The following GUK1 variants were observed in gnomAD, a reference collection of about 807,000 sequenced individuals.
The protein encoded by GUK1 is guanylate kinase 1.
In GUK1, 18 loss-of-function variants were observed where a neutral mutation model predicts 25.2. The observed-to-expected ratio is 0.71, with a 90% CI of 0.49 to 1.06. GUK1 has a LOEUF of 1.06. Among genes scored for constraint, GUK1 ranks in the 50% least tolerant of loss-of-function variants. The pLI is 0.00. For synonymous variants in GUK1, 105 were observed against 117.6 expected (o/e 0.89, Z 0.69); for missense variants, 261 against 276.7 (o/e 0.94, Z 0.40).
In GUK1 at chr1:228,142,815, G is replaced by A. The variant is rs1199004627; in HGVS notation, c.-3+1527G>A. Among the ~76,000 whole-genome samples the A allele has an allele frequency of 2.0e-5, 3 of 152,274 alleles. No individual in the cohort carries two copies. In the East Asian group the frequency reaches 5.8e-4, roughly 30 times the overall value. ...CGGGGATGGGGTTTGGGGCCGAGGA[G>A]GGGATGGAGACCAGGGTCTTGTGGT... On this transcript the variant is annotated intron_variant, in intron 2 of 8. Transcript: ENST00000312726.
rs201190567 is a variant in GUK1, at chr1:228,146,073, T to C, written c.154+6T>C. 8 of 1,603,368 alleles carry C rather than the reference T, an allele frequency of 5.0e-6. No homozygotes were observed. In the East Asian group the frequency reaches 1.8e-4, roughly 36 times the overall value. On this transcript the variant is annotated splice_donor_region_variant and intron_variant, in intron 4 of 8. Coordinates refer to ENST00000312726, the MANE Select transcript of GUK1 (RefSeq NM_000858.7). ...CGGCGAGGAGAACGGCAAAGGTGAG[T>C]GGGGTGGGGCCCTATGGCTGGAGCA...
intron 2 of GUK1, chr1:228,144,715 C>T (rs997384377): frequency 1.0e-6 from 1 of 985,090 alleles, no homozygotes; most frequent in African/African-American, 1.7e-5. Flanking sequence ...GACAGACCCA[C>T]CCCAGGCTGA....
In GUK1 at chr1:228,148,450, C is replaced by G. The variant is rs775802390; in HGVS notation, c.555C>G (p.Leu185=). Residue 185 remains leucine, a synonymous_variant, in exon 8 of 9, where the codon CTC becomes CTG. Transcript: ENST00000312726. ...CCTACGCAGAGCTGAAGGAGGCGCT[C>G]TCTGAGGTGGGCCCATCCTTGTGCC... 3.2e-6 allele frequency: 5 copies of G among 1,571,506 alleles called. No individual in the cohort carries two copies. In the East Asian group the frequency reaches 1.1e-4, roughly 35 times the overall value.
Position 228,148,808 on chromosome 1 carries a change from G to T in GUK1, c.*111G>T, listed in dbSNP as rs1244228770. ...GCTCTGTGCCCTTGGCCAGCATGTG[G>T]AGTGGAGGAGATGCTGCCCCTGTGG... On this transcript the variant is annotated 3_prime_UTR_variant, in exon 9 of 9. Transcript: ENST00000312726. 3 of 1,582,668 alleles carry T rather than the reference G, an allele frequency of 1.9e-6. No individual in the cohort carries two copies. Among genetic ancestry groups the T allele is most frequent in the African/African-American group, 2.7e-5 (2 of 73,954 alleles).
chr1:228,140,084 G>A, upstream of GUK1: 10 of 543,352 alleles, frequency 1.8e-5, no homozygotes, highest in Middle Eastern at 4.5e-4. Context: ...AGACGGGCTG[G>A]GAGGGCGCTG....
intron 4 of GUK1, chr1:228,146,504 TC>T: frequency 2.3e-6 from 1 of 440,074 alleles, no homozygotes; most frequent in Non-Finnish European, 4.2e-6. Flanking sequence ...CACCACATCG[TC>T]CCCTCTGTAA....
intron 7 of GUK1, chr1:228,148,056 T>C: frequency 1.7e-6 from 1 of 576,334 alleles, no homozygotes; most frequent in Non-Finnish European, 3.1e-6. Context: ...TGGGTCTGAC[T>C]GCAGCCCACA....
chr1:228,148,248 G>C (rs1378130182), intron 7 of GUK1, 123 bp from the exon 7 acceptor site: 3 of 778,390 alleles, frequency 3.9e-6, no homozygotes, highest in Non-Finnish European at 6.8e-6. Flanking sequence ...GGCTGGGCTG[G>C]AAAGCTGTCC....
chr1:228,146,902 A>AG lies in GUK1; in HGVS notation c.216dup (p.His73AlafsTer68), dbSNP rs1231494347. 21 of 1,613,488 alleles carry AG rather than the reference A, an allele frequency of 1.3e-5. No homozygotes were observed. The highest frequency in any genetic ancestry group is 1.8e-5 in the Non-Finnish European group (21 of 1,179,708). The stretch of plus-strand genomic sequence containing the variant: ...GACATAGCAGCCGGCGACTTCATCG[A>AG]GCATGCCGAGTTCTCGGGGAACCTG... On this transcript the variant is annotated frameshift_variant, in exon 5 of 9. Coordinates refer to ENST00000312726, the MANE Select transcript of GUK1 (RefSeq NM_000858.7). LOFTEE classifies it high-confidence loss of function.
chr1:228,142,170 A>C (rs2034099175), intron 2 of GUK1, among the ~76,000 whole-genome samples: 1 of 152,192 alleles, frequency 6.6e-6, no homozygotes, highest in Non-Finnish European at 1.5e-5. Flanking sequence ...GTGCTTCTGC[A>C]AGGCCCGCAT....
At chr1:228,146,779 C>T in intron 4 of GUK1, 63 bp from the exon 4 acceptor site, 1 of 1,101,118 alleles carries the variant, frequency 9.1e-7, no homozygotes, top group Non-Finnish European at 1.4e-6. Context: ...TTGGGGGCAG[C>T]TGGCCCTGGG....
upstream of GUK1, chr1:228,140,166 A>T (rs1024800760): frequency 2.2e-5 from 16 of 732,300 alleles, no homozygotes; most frequent in African/African-American, 2.4e-4. Context: ...TGAGGTAAGT[A>T]CTTCCCTAAG....
At position 228,148,905 on chromosome 1, in the gene GUK1, C is replaced by G. The variant is rs1289409311; in HGVS notation, c.*208C>G. 8.0e-6 allele frequency: 10 copies of G among 1,252,524 alleles called. No individual in the cohort carries two copies. The highest frequency in any genetic ancestry group is 1.0e-5 in the Non-Finnish European group (9 of 903,626). The allele number at this position is 1,252,524 out of a possible 1,614,324, so 77.6% of individuals were successfully genotyped here. A position where few individuals can be genotyped will look rare whatever the true frequency, so the allele number is the denominator to read the frequency against. ...CCCTGTCCCTATCTCTCACTCTGGA[C>G]CCAGGGCTGACATCCTAATAAAATA... On this transcript the variant is annotated 3_prime_UTR_variant, in exon 9 of 9. Transcript: ENST00000312726.
At chr1:228,146,968 C>T (rs769093183) in intron 5 of GUK1, 30 bp downstream of exon 4, 3 of 1,460,582 alleles carry the variant, frequency 2.1e-6, no homozygotes, top group Admixed American at 1.7e-5. Flanking sequence ...GGGTGGGCTC[C>T]CAGGGTTGCT....
upstream of GUK1, chr1:228,140,250 G>A: frequency 6.9e-7 from 1 of 1,451,168 alleles, no homozygotes; most frequent in South Asian, 1.2e-5. Flanking sequence ...GGGCGGAGGT[G>A]GGCCGGTGCG....
chr1:228,140,258 G>A (rs2033964565), upstream of GUK1: 1 of 1,500,534 alleles, frequency 6.7e-7, no homozygotes, highest in Non-Finnish European at 8.9e-7. Context: ...GTGGGCCGGT[G>A]CGGCGCTGTC....
In GUK1 at chr1:228,147,481, C is replaced by A. The variant is rs1281480034; in HGVS notation, c.327C>A (p.Asn109Lys). The change falls in exon 6 of 9, where the codon AAC becomes AAA. Residue 109 changes from asparagine to lysine, a missense_variant. Transcript: ENST00000312726. ...ACGTGGACCTGCAGGGTGTGCGGAA[C>A]ATCAAGGCCACCGATCTGCGGCCCA... The A allele has an allele frequency of 5.6e-6, 9 of 1,613,080 alleles. No individual in the cohort carries two copies. The Admixed American group carries it at 1.3e-4, about 24-fold the overall frequency.
chr1:228,148,308 G>A (rs762391593), intron 7 of GUK1, 63 bp from the exon 7 acceptor site: 10 of 1,150,468 alleles, frequency 8.7e-6, no homozygotes, highest in East Asian at 4.8e-5. Flanking sequence ...TCTGGGGGTC[G>A]TGTGGGACCT....
At chr1:228,141,102 T>G (rs941113981) in intron 1 of GUK1, 1 of 982,878 alleles carries the variant, frequency 1.0e-6, no homozygotes, top group African/African-American at 1.7e-5. Context: ...GTCTTTGGGC[T>G]CATGGCCCCT....
Sources: allele counts gnomAD v4.1 joint callset (sites outside exome capture counted in the v4.1 genomes callset), GRCh38; gene constraint gnomAD v4.1.1; transcripts MANE v1.5; gene names NCBI Gene and HGNC (gene_info 2026-07-23, HGNC 2026-07-21).